Variants in TNNI2 observed in about 807,000 individuals in gnomAD.
TNNI2 encodes troponin I2, fast skeletal type, also known as troponin I, fast skeletal muscle.
Under a neutral mutation model 26.5 loss-of-function variants are expected in TNNI2, and 14 were observed. The observed-to-expected ratio is 0.53, with a 90% CI of 0.35 to 0.83. The LOEUF is 0.83. TNNI2 is among the 40% of genes least tolerant of loss of function. TNNI2 has a pLI of 0.01. For synonymous variants in TNNI2, 126 were observed against 97.6 expected (o/e 1.29, Z -1.71); for missense variants, 205 against 248.5 (o/e 0.82, Z 1.18).
chr11:1,839,832 C>G lies in TNNI2; in HGVS notation c.9-17C>G. On this transcript the variant is annotated splice_polypyrimidine_tract_variant and intron_variant, in intron 2 of 7. Transcript: ENST00000381911. ...TCTTCTCTCCCCGTCCTGCCTGCGTCCTCCCTCCCTGGACAGTGAGGAGGT... is the reference window on the plus strand; with the variant it reads ...TCTTCTCTCCCCGTCCTGCCTGCGTGCTCCCTCCCTGGACAGTGAGGAGGT... 1 of 1,613,932 alleles carries G rather than the reference C, an allele frequency of 6.2e-7. No homozygotes were observed. The highest frequency in any genetic ancestry group is 8.5e-7 in the Non-Finnish European group (1 of 1,179,882).
intron 6 of TNNI2, 56 bp downstream of exon 6, chr11:1,840,964 G>C: frequency 1.9e-6 from 3 of 1,584,000 alleles, no homozygotes; most frequent in Non-Finnish European, 2.6e-6. Flanking sequence ...CAGCGGGCAG[G>C]CGGGGCGGGC....
intron 3 of TNNI2, 128 bp downstream of exon 3, chr11:1,839,983 G>A: frequency 7.1e-7 from 1 of 1,412,406 alleles, no homozygotes. Context: ...GCTGGCAAAA[G>A]TGCCCCACCC....
rs200432171 is a variant in TNNI2 at position 1,841,002 on chromosome 11, G to A, written c.277-29G>A. ...GGGAGGCCGAGACCACCGGGACCTC[G>A]GGCTCCCACCCGGCTCCCCTGCCCA... On this transcript the variant is annotated intron_variant, in intron 6 of 7. Transcript: ENST00000381911. The A allele has an allele frequency of 1.2e-5, 19 of 1,607,046 alleles. No individual in the cohort carries two copies. In the South Asian group the frequency reaches 1.3e-4, roughly 11 times the overall value.
In TNNI2 at chr11:1,841,163, C is replaced by G; in HGVS notation, c.409C>G (p.Leu137Val). The G allele has an allele frequency of 6.2e-7, 1 of 1,613,216 alleles. No individual in the cohort carries two copies. Among genetic ancestry groups the G allele is most frequent in the Non-Finnish European group, 8.5e-7 (1 of 1,179,978 alleles). The change falls in exon 7 of 8, where the codon CTG becomes GTG. Residue 137 changes from leucine to valine, a missense_variant. Leu to Val is a conservative substitution (Grantham distance 32). Coordinates refer to ENST00000381911, the MANE Select transcript of TNNI2 (RefSeq NM_003282.4). ...CTCGAAGCACAAGGTGTGCATGGACCTGAGGGCCAACCTGAAGCAGGTCAA... is the reference window on the plus strand; with the variant it reads ...CTCGAAGCACAAGGTGTGCATGGACGTGAGGGCCAACCTGAAGCAGGTCAA... ...LGSKHKVCMDLRANLKQVKKE... is the reference protein window; with the variant it reads ...LGSKHKVCMDVRANLKQVKKE...
chr11:1,840,452 T>A lies in TNNI2; in HGVS notation c.57+8T>A. 1 of 1,610,842 alleles carries A rather than the reference T, an allele frequency of 6.2e-7. No individual in the cohort carries two copies. The highest frequency in any genetic ancestry group is 8.5e-7 in the Non-Finnish European group (1 of 1,179,542). On this transcript the variant is annotated splice_region_variant and intron_variant, in intron 4 of 7. Transcript: ENST00000381911. Reference sequence around the variant, plus strand: ...CGCAGGCAGCACCTGAAGGTAGGTGTGGGCTCCCGGGGGGGTGGCCCAGGT... The same window carrying A: ...CGCAGGCAGCACCTGAAGGTAGGTGAGGGCTCCCGGGGGGGTGGCCCAGGT...
In TNNI2 at chr11:1,841,179, A is replaced by G. The variant is rs1589796825; in HGVS notation, c.425A>G (p.Lys142Arg). Residue 142 changes from lysine to arginine, a missense_variant, in exon 7 of 8, where the codon AAG (lysine) becomes AGG (arginine). Transcript: ENST00000381911. ...KVCMDLRANLKQVKKEDTEKE... is the reference protein window; with the variant it reads ...KVCMDLRANLRQVKKEDTEKE... ...TGCATGGACCTGAGGGCCAACCTGAAGCAGGTCAAGAAGGAGGACACAGAG... is the reference window on the plus strand; with the variant it reads ...TGCATGGACCTGAGGGCCAACCTGAGGCAGGTCAAGAAGGAGGACACAGAG... 1 of 1,613,086 alleles carries G rather than the reference A, an allele frequency of 6.2e-7. No homozygotes were observed. Among genetic ancestry groups the G allele is most frequent in the Non-Finnish European group, 8.5e-7 (1 of 1,179,972 alleles).
In TNNI2 at chr11:1,840,919, G is replaced by C; in HGVS notation, c.276+11G>C. On this transcript the variant is annotated intron_variant, in intron 6 of 7. Coordinates refer to ENST00000381911, the MANE Select transcript of TNNI2 (RefSeq NM_003282.4). ...AAGACCAGCAAGGAGGTGAGTGGTGGCGGCGGGCCGGCGGCAGGCGGGTAG... is the reference window on the plus strand; with the variant it reads ...AAGACCAGCAAGGAGGTGAGTGGTGCCGGCGGGCCGGCGGCAGGCGGGTAG... 6.2e-7 allele frequency: 1 copy of C among 1,610,762 alleles called. No individual in the cohort carries two copies. Among genetic ancestry groups the C allele is most frequent in the Non-Finnish European group, 8.5e-7 (1 of 1,178,786 alleles).
rs778099397 is a variant in TNNI2 at position 1,841,507 on chromosome 11, T to A, written c.505T>A (p.Ser169Thr). Residue 169 changes from serine (S) to threonine (T), a missense_variant, in exon 8 of 8, where the codon TCT becomes ACT. By Grantham distance (58) the Ser-to-Thr change is moderately conservative. Transcript: ENST00000381911. Reference sequence around the variant, plus strand: ...CTGGAGGAAGAACATCGAGGAGAAGTCTGGCATGGAGGGCCGGAAGAAGAT... The same window carrying A: ...CTGGAGGAAGAACATCGAGGAGAAGACTGGCATGGAGGGCCGGAAGAAGAT... ...GDWRKNIEEK[S>T]GMEGRKKMFE... is the part of the protein sequence containing the mutation. 1 of 1,614,042 alleles carries A rather than the reference T, an allele frequency of 6.2e-7. No homozygotes were observed. Among genetic ancestry groups the A allele is most frequent in the Admixed American group, 1.7e-5 (1 of 60,016 alleles).
chr11:1,839,994 A>G, intron 3 of TNNI2, 139 bp downstream of exon 3: 1 of 1,305,410 alleles, frequency 7.7e-7, no homozygotes, highest in Non-Finnish European at 1.0e-6. Context: ...TGCCCCACCC[A>G]CCCACCAAGA....
intron 3 of TNNI2, 179 bp from the exon 4 acceptor site, chr11:1,840,224 A>G (rs1194316287): frequency 6.4e-7 from 1 of 1,550,874 alleles, no homozygotes; most frequent in Non-Finnish European, 8.7e-7. Flanking sequence ...ACACAGCACC[A>G]TGTCCCAGTG....
chr11:1,839,522 AAGGAGGTGAGAGTAGGGGG>A, intron 1 of TNNI2, 134 bp from the exon 2 acceptor site: 21 of 633,008 alleles, frequency 3.3e-5, no homozygotes, highest in South Asian at 3.1e-4. Context: ...ATTGTCCTTG[AAGGAGGTGAGAGTAGGGGG>A]AGGAGGTGAG....
At position 1,839,670 on chromosome 11, in the gene TNNI2, C is replaced by A; in HGVS notation, c.-22-5C>A. 1 of 1,613,650 alleles carries A rather than the reference C, an allele frequency of 6.2e-7. No individual in the cohort carries two copies. Among genetic ancestry groups the A allele is most frequent in the Non-Finnish European group, 8.5e-7 (1 of 1,179,896 alleles). On this transcript the variant is annotated splice_region_variant and splice_polypyrimidine_tract_variant and intron_variant, in intron 1 of 7. Transcript: ENST00000381911. ...GCCAACACCTCTGTCTTCCTCTCCCCACAGGCTCCAAGCTCAGGACCTCAG... is the reference window on the plus strand; with the variant it reads ...GCCAACACCTCTGTCTTCCTCTCCCAACAGGCTCCAAGCTCAGGACCTCAG...
chr11:1,840,791 G>A lies in TNNI2; in HGVS notation c.187-28G>A, dbSNP rs200366384. 425 of 1,603,818 alleles carry A rather than the reference G, an allele frequency of 2.6e-4. 1 individual carries two copies. The African/African-American group carries it at 5.1e-3, about 19-fold the overall frequency. On this transcript the variant is annotated intron_variant, in intron 5 of 7. Transcript: ENST00000381911. ...GACCGTGGCTGCCAAGTGTCAGGAC[G>A]GCCGCCCGCCCCCACACCCACCCCT...
chr11:1,839,619 A>G, intron 1 of TNNI2, 56 bp from the exon 2 acceptor site: 1 of 1,600,484 alleles, frequency 6.2e-7, no homozygotes, highest in Non-Finnish European at 8.5e-7. Context: ...CCTGATGGGC[A>G]CAGGCATCAC....
At chr11:1,840,982 G>T in intron 6 of TNNI2, 49 bp from the exon 7 acceptor site, 4 of 1,589,116 alleles carry the variant, frequency 2.5e-6, no homozygotes, top group Non-Finnish European at 3.4e-6. Flanking sequence ...GGCCGGGGAG[G>T]CCGAGACCAC....
In TNNI2 at chr11:1,840,631, T is replaced by C. The variant is rs1437235773; in HGVS notation, c.161T>C (p.Ile54Thr). ...YLAEHCPPLHIPGSMSEVQEL... is the reference protein window; with the variant it reads ...YLAEHCPPLHTPGSMSEVQEL... ...GCGGAGCACTGCCCGCCGCTGCATATCCCGGGCTCCATGTCTGAAGTGCAG... is the reference window on the plus strand; with the variant it reads ...GCGGAGCACTGCCCGCCGCTGCATACCCCGGGCTCCATGTCTGAAGTGCAG... The change falls in exon 5 of 8, where the codon ATC (isoleucine) becomes ACC (threonine). Residue 54 changes from isoleucine (I) to threonine (T), a missense_variant. By Grantham distance (89) the Ile-to-Thr change is moderately conservative (BLOSUM62 -1). Coordinates refer to ENST00000381911, the MANE Select transcript of TNNI2 (RefSeq NM_003282.4). 1 of 1,612,750 alleles carries C rather than the reference T, an allele frequency of 6.2e-7. No individual in the cohort carries two copies.
At chr11:1,839,978 C>A in intron 3 of TNNI2, 123 bp downstream of exon 3, 1 of 1,441,834 alleles carries the variant, frequency 6.9e-7, no homozygotes, top group Non-Finnish European at 9.4e-7. Context: ...TCCCCGCTGG[C>A]AAAAGTGCCC....
chr11:1,840,849 G>T lies in TNNI2; in HGVS notation c.217G>T (p.Asp73Tyr), dbSNP rs747153883. ...ELCKQLHAKI[D>Y]AAEEEKYDME... ...CTGCAAACAGCTGCACGCCAAGATC[G>T]ATGCGGCTGAAGAGGAGAAGTACGA... is the stretch of plus-strand genomic sequence containing the variant. Residue 73 changes from aspartate (D) to tyrosine (Y), a missense_variant, in exon 6 of 8, where the codon GAT (aspartate) becomes TAT (tyrosine). By Grantham distance (160) the Asp-to-Tyr change is radical (BLOSUM62 -3). Coordinates refer to ENST00000381911, the MANE Select transcript of TNNI2 (RefSeq NM_003282.4). 4.3e-6 allele frequency: 7 copies of T among 1,613,208 alleles called. No homozygotes were observed. The highest frequency in any genetic ancestry group is 4.2e-6 in the Non-Finnish European group (5 of 1,179,826).
At position 1,839,853 on chromosome 11, in the gene TNNI2, G is replaced by A; in HGVS notation, c.13G>A (p.Glu5Lys). The A allele has an allele frequency of 6.2e-7, 1 of 1,613,850 alleles. No homozygotes were observed. Among genetic ancestry groups the A allele is most frequent in the Non-Finnish European group, 8.5e-7 (1 of 1,179,878 alleles). Residue 5 changes from glutamate (E) to lysine (K), a missense_variant and splice_region_variant, in exon 3 of 8, where the codon GAG (glutamate) becomes AAG (lysine). Glu to Lys is a moderately conservative substitution (Grantham distance 56, BLOSUM62 1). Transcript: ENST00000381911. ...GCGTCCTCCCTCCCTGGACAGTGAG[G>A]AGGTAAGTAGTTGCTGGGGGCTCAA... MGDE[E>K]KRNRAITARR...
Sources: allele counts gnomAD v4.1 joint callset, GRCh38; gene constraint gnomAD v4.1.1; transcripts MANE v1.5; gene names NCBI Gene and HGNC (gene_info 2026-07-23, HGNC 2026-07-21).